Variants in GNPAT observed in about 807,000 individuals in gnomAD.
The protein encoded by GNPAT is dihydroxyacetone phosphate acyltransferase.
GNPAT carries 30 observed loss-of-function variants against 78.4 expected under a neutral mutation model. That is an observed-to-expected ratio of 0.38 (90% confidence interval 0.29 to 0.52). The LOEUF (loss-of-function observed/expected upper bound fraction) is 0.52. GNPAT is among the 20% of genes least tolerant of loss of function. The pLI, the probability that GNPAT is intolerant of heterozygous loss-of-function variation, is 0.84. For synonymous variants in GNPAT, 271 were observed against 281.1 expected, an observed-to-expected ratio of 0.96 and a Z score of 0.36; for missense variants, 714 against 812.2, an observed-to-expected ratio of 0.88 and a Z score of 1.47.
chr1:231,269,885 GTTCATA>G (rs1467198791), intron 9 of GNPAT: 2 of 152,074 alleles, frequency 1.3e-5, no homozygotes, highest in African/African-American at 4.8e-5. Context: ...TCCTAAGCAT[GTTCATA>G]TCTCAAGCTT....
At chr1:231,271,126 GAA>G in intron 10 of GNPAT, 126 bp downstream of exon 10, 1 of 1,117,016 alleles carries the variant, frequency 9.0e-7, no homozygotes, top group South Asian at 1.2e-5. Flanking sequence ...CTATCACTGA[GAA>G]AAAGTTAGCT....
intron 15 of GNPAT, among the ~76,000 whole-genome samples, chr1:231,276,760 G>A (rs1234836852): frequency 6.6e-6 from 1 of 152,160 alleles, no homozygotes; most frequent in Non-Finnish European, 1.5e-5. Flanking sequence ...CATAAACAGA[G>A]GTACAATCAG....
At chr1:231,265,910 C>A in intron 6 of GNPAT, 104 bp from the exon 7 acceptor site, 1 of 1,079,022 alleles carries the variant, frequency 9.3e-7, no homozygotes, top group Non-Finnish European at 1.4e-6. Context: ...TTGATATTTA[C>A]GGGATTAGTG....
In GNPAT at chr1:231,262,709, C is replaced by A; in HGVS notation, c.439-14C>A. ...ACAACTGAAATTATTCAAAATGTAA[C>A]ATTTACTTTCAAGCTACAAAGAGCC... On this transcript the variant is annotated splice_polypyrimidine_tract_variant and intron_variant, in intron 3 of 15. Coordinates refer to ENST00000366647, the MANE Select transcript of GNPAT (RefSeq NM_014236.4). The A allele has an allele frequency of 6.3e-7, 1 of 1,597,838 alleles. No individual in the cohort carries two copies. The highest frequency in any genetic ancestry group is 1.7e-5 in the Admixed American group (1 of 59,994).
chr1:231,241,837 G>C (rs1684618970), intron 1 of GNPAT, among the ~76,000 whole-genome samples: 1 of 152,242 alleles, frequency 6.6e-6, no homozygotes, highest in Non-Finnish European at 1.5e-5. Flanking sequence ...TTGCGGGTTT[G>C]ACCCGCCCTG....
chr1:231,245,473 C>G (rs1302025088), intron 1 of GNPAT, among the ~76,000 whole-genome samples: 1 of 152,010 alleles, frequency 6.6e-6, no homozygotes, highest in African/African-American at 2.4e-5. Flanking sequence ...TCTCAAACTT[C>G]TGGTCTCAAA....
chr1:231,249,042 A>C (rs943964451), intron 1 of GNPAT, among the ~76,000 whole-genome samples: 1 of 152,184 alleles, frequency 6.6e-6, no homozygotes, highest in Non-Finnish European at 1.5e-5. Flanking sequence ...ATATATCCCC[A>C]GCTGATTCTG....
At chr1:231,244,502 A>G (rs1684697135) in intron 1 of GNPAT, among the ~76,000 whole-genome samples, 1 of 152,196 alleles carries the variant, frequency 6.6e-6, no homozygotes, top group South Asian at 2.1e-4. Flanking sequence ...TGATTTGGCA[A>G]CTGGGCAGAT....
chr1:231,267,033 C>T (rs500248), intron 8 of GNPAT, among the ~76,000 whole-genome samples: 4 of 151,982 alleles, frequency 2.6e-5, no homozygotes, highest in Admixed American at 6.5e-5. Flanking sequence ...TCATCACAGA[C>T]GCTTATGTTA....
chr1:231,242,281 AAG>A (rs1351135403), intron 1 of GNPAT, among the ~76,000 whole-genome samples: 2 of 152,168 alleles, frequency 1.3e-5, no homozygotes, highest in Non-Finnish European at 2.9e-5. Flanking sequence ...GAGAAAATGA[AAG>A]AATTCATTTT....
At chr1:231,259,876 G>T (rs1685175825) in intron 2 of GNPAT, among the ~76,000 whole-genome samples, 1 of 152,144 alleles carries the variant, frequency 6.6e-6, no homozygotes, top group African/African-American at 2.4e-5. Context: ...GGGCAAATCA[G>T]GGCTTCCTCA....
At chr1:231,261,528 C>G (rs943732406) in intron 3 of GNPAT, among the ~76,000 whole-genome samples, 1 of 151,964 alleles carries the variant, frequency 6.6e-6, no homozygotes, top group African/African-American at 2.4e-5. Flanking sequence ...GTTTCACTTC[C>G]ATCAGTTGGT....
At chr1:231,268,766 C>T (rs1187714679) in intron 9 of GNPAT, among the ~76,000 whole-genome samples, 1 of 151,922 alleles carries the variant, frequency 6.6e-6, no homozygotes, top group African/African-American at 2.4e-5. Context: ...ATTAGCCGGG[C>T]ATGGTGGCGT....
rs778398603 is a variant in GNPAT, at chr1:231,276,193, C to T, written c.1996C>T (p.Leu666Phe). The change falls in exon 15 of 16, where the codon CTT (leucine) becomes TTT (phenylalanine). Residue 666 changes from leucine to phenylalanine, a missense_variant. Transcript: ENST00000366647. ...TGCCACAACCAAATTAGAAGAAATGCTTGGTAAGTGCAGTTTAATAAAATA... is the reference window on the plus strand; with the variant it reads ...TGCCACAACCAAATTAGAAGAAATGTTTGGTAAGTGCAGTTTAATAAAATA... ...EPATTKLEEM[L>F]GCKTPIGKPA... 7.1e-7 allele frequency: 1 copy of T among 1,411,758 alleles called. No individual in the cohort carries two copies. The highest frequency in any genetic ancestry group is 1.2e-5 in the South Asian group (1 of 86,552). 87.5% of individuals were successfully genotyped at this position (1,411,758 alleles called of 1,614,324 possible). A position where few individuals can be genotyped will look rare whatever the true frequency, so the allele number is the denominator to read the frequency against.
At position 231,277,088 on chromosome 1, in the gene GNPAT, T is replaced by C. The variant is rs1364710144; in HGVS notation, c.2000-411T>C. On this transcript the variant is annotated intron_variant, in intron 15 of 15. Coordinates refer to ENST00000366647, the MANE Select transcript of GNPAT (RefSeq NM_014236.4). ...GGGAAGGCGGAAGTACTAGACCTTG[T>C]AGAAAAAAATATGTAGGTCGAAATC... is the stretch of plus-strand genomic sequence containing the variant. Among the ~76,000 whole-genome samples, 7 of 152,176 alleles carry C rather than the reference T, an allele frequency of 4.6e-5. No homozygotes were observed. In the South Asian group the frequency reaches 6.2e-4, roughly 13 times the overall value.
chr1:231,263,929 A>C (rs1206618217), intron 4 of GNPAT, among the ~76,000 whole-genome samples: 2 of 152,068 alleles, frequency 1.3e-5, no homozygotes, highest in East Asian at 3.9e-4. Flanking sequence ...TTTTTTAATT[A>C]GGTTGTTTGG....
chr1:231,254,723 T>C (rs1684997824), intron 2 of GNPAT, among the ~76,000 whole-genome samples: 1 of 151,782 alleles, frequency 6.6e-6, no homozygotes, highest in Admixed American at 6.6e-5. Context: ...GCTACAATTA[T>C]AGGCGTGAGC....
chr1:231,263,684 C>T (rs1685289079), intron 4 of GNPAT, among the ~76,000 whole-genome samples: 1 of 152,092 alleles, frequency 6.6e-6, no homozygotes, highest in African/African-American at 2.4e-5. Context: ...CCTTCCTTAG[C>T]AGCTGCACCA....
intron 5 of GNPAT, 25 bp downstream of exon 5, chr1:231,265,445 C>G: frequency 6.4e-7 from 1 of 1,567,754 alleles, no homozygotes; most frequent in Non-Finnish European, 8.8e-7. Flanking sequence ...TTCCCAACTA[C>G]TCTTAAGCCA....
Sources: gnomAD v4.1 joint callset for allele counts (sites outside exome capture counted in the v4.1 genomes callset) on GRCh38, gnomAD v4.1.1 for gene constraint, MANE v1.5 for transcripts, NCBI Gene and HGNC (gene_info 2026-07-23, HGNC 2026-07-21) for gene names.